The following FGF14 variants were observed in gnomAD, a reference collection of about 807,000 sequenced individuals.
FGF14 encodes the protein fibroblast growth factor 14, also known as fibroblast growth factor homologous factor 4.
A neutral mutation model predicts 25.5 loss-of-function variants in FGF14; 5 were observed. That is an observed-to-expected ratio of 0.20 (90% CI 0.10 to 0.41). The LOEUF (loss-of-function observed/expected upper bound fraction) is 0.41, where lower values mean the gene tolerates loss of function less well. Among genes scored for constraint, FGF14 ranks in the 10% least tolerant of loss-of-function variants. The pLI, the probability that FGF14 is intolerant of heterozygous loss-of-function variation, is 1.00. For synonymous variants in FGF14, 138 were observed against 118.3 expected (o/e 1.17, Z -1.08); for missense variants, 222 against 320.1 (o/e 0.69, Z 2.34).
chr13:101,993,915 TATA>T (rs1290530878), intron 1 of FGF14, among the ~76,000 whole-genome samples: 2 of 151,768 alleles, frequency 1.3e-5, no homozygotes, highest in African/African-American at 4.8e-5. Context: ...AAACTTAAAG[TATA>T]ATAATAATAA....
chr13:101,821,712 G>A (rs2042165804), intron 3 of FGF14, among the ~76,000 whole-genome samples: 1 of 152,140 alleles, frequency 6.6e-6, no homozygotes, highest in Non-Finnish European at 1.5e-5. Context: ...AGTATTCTCA[G>A]CCATGTTAAT....
intron 1 of FGF14, among the ~76,000 whole-genome samples, chr13:101,965,635 G>A (rs2139491688): frequency 6.7e-6 from 1 of 150,042 alleles, no homozygotes; most frequent in Non-Finnish European, 1.5e-5. Context: ...AGGATCTAAT[G>A]TTAGGATGAA....
chr13:102,314,398 G>A (rs113566355), intron 1 of FGF14, among the ~76,000 whole-genome samples: 3,443 of 151,968 alleles, frequency 0.023, 60 homozygotes, highest in Middle Eastern at 0.038. Context: ...GTCCTCAATC[G>A]CGCTATACAT....
Position 102,042,121 on chromosome 13 carries a change from A to G in FGF14, c.209-166825T>C, listed in dbSNP as rs367813501. Among the ~76,000 whole-genome samples, 168 of 152,276 alleles carry G rather than the reference A, an allele frequency of 1.1e-3. 2 individuals carry two copies. The South Asian group carries it at 0.024, about 22-fold the overall frequency. ...TGTAAAAGACTGAATCAATTTTCAC[A>G]TCTGAGTTCTGGTTCACCTACTACC... On this transcript the variant is annotated intron_variant, in intron 1 of 4. Coordinates refer to the FGF14 transcript ENST00000376131.
chr13:101,885,696 C>A (rs2045952812), intron 1 of FGF14, among the ~76,000 whole-genome samples: 1 of 145,668 alleles, frequency 6.9e-6, no homozygotes. Context: ...GTGGCACAGG[C>A]CTCTGAAAAA....
intron 1 of FGF14, among the ~76,000 whole-genome samples, chr13:102,182,246 T>G (rs1180032984): frequency 6.6e-6 from 1 of 152,128 alleles, no homozygotes; most frequent in African/African-American, 2.4e-5. Context: ...ATTCCTGGTA[T>G]TGAATATGAA....
chr13:101,945,864 G>T (rs577745133), intron 1 of FGF14, among the ~76,000 whole-genome samples: 2 of 152,288 alleles, frequency 1.3e-5, no homozygotes, highest in East Asian at 3.9e-4. Flanking sequence ...CTCCATGGTG[G>T]CATGGGCAAG....
In FGF14 at chr13:101,738,201, T is replaced by C. The variant is rs182276127; in HGVS notation, c.409-11391A>G. Among the ~76,000 whole-genome samples the C allele has an allele frequency of 3.7e-4, 57 of 152,290 alleles. 1 individual carries two copies. Among genetic ancestry groups the C allele is most frequent in the African/African-American group, 1.3e-3 (53 of 41,548 alleles). On this transcript the variant is annotated intron_variant, in intron 3 of 4. Transcript: ENST00000376143. ...AGAGGACATAATAGATTAAGAAGCATTTATTTCTACCAATTTGATATTTCA... is the reference window on the plus strand; with the variant it reads ...AGAGGACATAATAGATTAAGAAGCACTTATTTCTACCAATTTGATATTTCA...
At chr13:102,006,270 G>T (rs1456336982) in intron 1 of FGF14, among the ~76,000 whole-genome samples, 1 of 152,168 alleles carries the variant, frequency 6.6e-6, no homozygotes, top group African/African-American at 2.4e-5. Flanking sequence ...AAACTTATTT[G>T]TGAACTAAAA....
intron 1 of FGF14, among the ~76,000 whole-genome samples, chr13:102,171,220 C>T (rs991374404): frequency 6.6e-6 from 1 of 152,130 alleles, no homozygotes; most frequent in African/African-American, 2.4e-5. Flanking sequence ...TTATCATGTG[C>T]TGTTTCTATG....
intron 3 of FGF14, among the ~76,000 whole-genome samples, chr13:101,729,138 G>A (rs190894319): frequency 7.2e-5 from 11 of 152,116 alleles, no homozygotes; most frequent in Middle Eastern, 3.4e-3. Flanking sequence ...AGCTGTGCCC[G>A]TGACTTCACA....
intron 3 of FGF14, among the ~76,000 whole-genome samples, chr13:101,815,045 A>G (rs991569407): frequency 2.0e-5 from 3 of 152,230 alleles, no homozygotes; most frequent in Non-Finnish European, 4.4e-5. Flanking sequence ...ATGCATGCGC[A>G]GAGGGAGCCT....
intron 1 of FGF14, among the ~76,000 whole-genome samples, chr13:102,277,886 A>G (rs567348617): frequency 6.6e-6 from 1 of 152,370 alleles, no homozygotes; most frequent in African/African-American, 2.4e-5. Context: ...TAATATCACC[A>G]TCCAAGTCAT....
intron 1 of FGF14, among the ~76,000 whole-genome samples, chr13:101,946,795 G>A (rs1188492583): frequency 6.6e-6 from 1 of 152,190 alleles, no homozygotes. Context: ...GTCTGTCACT[G>A]GTGGATTACA....
At chr13:101,881,916 C>T (rs774451975) in intron 1 of FGF14, among the ~76,000 whole-genome samples, 15 of 152,232 alleles carry the variant, frequency 9.9e-5, no homozygotes, top group Middle Eastern at 3.4e-3. Flanking sequence ...CTTCTATTAA[C>T]ATAAACATTA....
At chr13:102,113,932 T>A (rs537260655) in intron 1 of FGF14, among the ~76,000 whole-genome samples, 1 of 152,312 alleles carries the variant, frequency 6.6e-6, no homozygotes, top group East Asian at 1.9e-4. Context: ...AAGGCCACCA[T>A]GTTGGGGCTC....
intron 1 of FGF14, among the ~76,000 whole-genome samples, chr13:102,278,400 G>C (rs2053648990): frequency 6.6e-6 from 1 of 152,148 alleles, no homozygotes; most frequent in African/African-American, 2.4e-5. Context: ...CAATACAGTG[G>C]TATGTACTGA....
intron 3 of FGF14, among the ~76,000 whole-genome samples, chr13:101,844,606 A>T (rs2043354170): frequency 6.6e-6 from 1 of 151,960 alleles, no homozygotes; most frequent in Non-Finnish European, 1.5e-5. Flanking sequence ...ATAATATATG[A>T]TACTCTGGAC....
chr13:102,233,957 G>T (rs546617215), intron 1 of FGF14, among the ~76,000 whole-genome samples: 1 of 152,178 alleles, frequency 6.6e-6, no homozygotes, highest in Non-Finnish European at 1.5e-5. Context: ...ACTACTATAT[G>T]GTAGACAACT....
Sources: allele counts gnomAD v4.1 joint callset (sites outside exome capture counted in the v4.1 genomes callset), GRCh38; gene constraint gnomAD v4.1.1; transcripts MANE v1.5; gene names NCBI Gene and HGNC (gene_info 2026-07-23, HGNC 2026-07-21).